C8orf34: variants seen among roughly 807,000 people sequenced by gnomAD.
The protein encoded by C8orf34 is chromosome 8 open reading frame 34, also known as uncharacterized protein C8orf34.
Under a neutral mutation model 68.3 loss-of-function variants are expected in C8orf34, and 65 were observed. That is an observed-to-expected ratio of 0.95 (90% CI 0.78 to 1.17). The LOEUF (loss-of-function observed/expected upper bound fraction) is 1.17. C8orf34 is among the 50% of genes most tolerant of loss of function. The probability of loss-of-function intolerance (pLI) is 0.00; values close to 1 mark genes in which losing one functional copy is unlikely to be tolerated. For missense variants in C8orf34, 664 were observed against 655.4 expected (o/e 1.01, Z -0.14); for synonymous variants, 244 against 241.2 (o/e 1.01, Z -0.11).
At chr8:68,732,090 A>G (rs549169384) in intron 10 of C8orf34, among the ~76,000 whole-genome samples, 30 of 152,346 alleles carry the variant, frequency 2.0e-4, no homozygotes, top group Non-Finnish European at 3.1e-4. Context: ...TTGAGGCTTG[A>G]GAGTAATGCT....
chr8:68,806,747 T>C (rs1824499848), intron 12 of C8orf34, among the ~76,000 whole-genome samples: 1 of 152,228 alleles, frequency 6.6e-6, no homozygotes, highest in Non-Finnish European at 1.5e-5. Context: ...TGCCTTGTTC[T>C]CTTTTGAGTC....
intron 1 of C8orf34, among the ~76,000 whole-genome samples, chr8:68,396,895 T>C (rs1042619976): frequency 1.3e-5 from 2 of 152,002 alleles, no homozygotes; most frequent in African/African-American, 4.8e-5. Flanking sequence ...CCTGCAGAAC[T>C]GTGAGCCAAC....
At chr8:68,644,788 T>C (rs957628757) in intron 8 of C8orf34, among the ~76,000 whole-genome samples, 14 of 152,042 alleles carry the variant, frequency 9.2e-5, no homozygotes, top group Admixed American at 2.0e-4. Context: ...CCAGACAGAG[T>C]GAGCCAGTCA....
chr8:68,751,277 G>A (rs1426734078), intron 10 of C8orf34, among the ~76,000 whole-genome samples: 5 of 152,040 alleles, frequency 3.3e-5, no homozygotes, highest in Non-Finnish European at 7.4e-5. Flanking sequence ...CAAATATTTT[G>A]GCTTACTGCC....
At chr8:68,501,893 A>G (rs1276153118) in intron 5 of C8orf34, among the ~76,000 whole-genome samples, 1 of 152,220 alleles carries the variant, frequency 6.6e-6, no homozygotes, top group Non-Finnish European at 1.5e-5. Context: ...CAAAGGGTAG[A>G]AGGGAAAGAT....
chr8:68,458,802 G>C (rs555597472), intron 3 of C8orf34, among the ~76,000 whole-genome samples: 1 of 152,232 alleles, frequency 6.6e-6, no homozygotes, highest in African/African-American at 2.4e-5. Flanking sequence ...TGGCATGTTA[G>C]TAATTTTAGC....
chr8:68,475,810 CT>C (rs1278391765), intron 4 of C8orf34, among the ~76,000 whole-genome samples: 1 of 152,226 alleles, frequency 6.6e-6, no homozygotes, highest in Admixed American at 6.5e-5. Context: ...TTTGCTGCTT[CT>C]GACAGCTCCC....
At chr8:68,719,038 T>C (rs1821556587) in intron 9 of C8orf34, among the ~76,000 whole-genome samples, 1 of 152,104 alleles carries the variant, frequency 6.6e-6, no homozygotes, top group Admixed American at 6.6e-5. Context: ...TGCTCTGGAA[T>C]AGACAGAGCA....
chr8:68,755,537 C>G (rs1018705970), intron 10 of C8orf34, among the ~76,000 whole-genome samples: 10 of 152,116 alleles, frequency 6.6e-5, no homozygotes, highest in African/African-American at 2.4e-4. Flanking sequence ...AAACTGCTGC[C>G]GGGAGGCTCA....
intron 1 of C8orf34, among the ~76,000 whole-genome samples, chr8:68,378,424 G>A (rs1807896478): frequency 1.3e-5 from 2 of 152,098 alleles, no homozygotes; most frequent in South Asian, 4.1e-4. Context: ...AACCTTCCAA[G>A]TAGCTGGAAC....
chr8:68,664,229 G>T (rs1459918957), intron 8 of C8orf34, among the ~76,000 whole-genome samples: 1 of 152,084 alleles, frequency 6.6e-6, no homozygotes, highest in Non-Finnish European at 1.5e-5. Context: ...TCTCCTCAGG[G>T]GTTAGTTTTG....
At chr8:68,624,180 G>C (rs1454817095) in intron 7 of C8orf34, among the ~76,000 whole-genome samples, 1 of 151,372 alleles carries the variant, frequency 6.6e-6, no homozygotes, top group East Asian at 2.0e-4. Context: ...GCTGAGGTAG[G>C]AGAATCACTT....
At chr8:68,755,828 G>A (rs964965930) in intron 10 of C8orf34, among the ~76,000 whole-genome samples, 3 of 151,934 alleles carry the variant, frequency 2.0e-5, no homozygotes, top group African/African-American at 4.8e-5. Context: ...TTGGGAGGCC[G>A]AAGCAGGTGG....
At chr8:68,357,549 A>G (rs142297653) in intron 1 of C8orf34, among the ~76,000 whole-genome samples, 204 of 152,322 alleles carry the variant, frequency 1.3e-3, no homozygotes, top group African/African-American at 4.7e-3. Context: ...GGAAGAATTT[A>G]TGAGGTTCAT....
At chr8:68,629,265 T>C (rs1022408052) in intron 7 of C8orf34, among the ~76,000 whole-genome samples, 2 of 152,132 alleles carry the variant, frequency 1.3e-5, no homozygotes, top group Admixed American at 6.6e-5. Context: ...CATATGTATA[T>C]CTTGAAGATA....
At chr8:68,381,131 A>G (rs1002030068) in intron 1 of C8orf34, among the ~76,000 whole-genome samples, 2 of 152,218 alleles carry the variant, frequency 1.3e-5, no homozygotes, top group African/African-American at 4.8e-5. Context: ...TTTTTCATGA[A>G]TATTTTAAGA....
chr8:68,459,352 C>G (rs1811687680), intron 3 of C8orf34, among the ~76,000 whole-genome samples: 1 of 152,120 alleles, frequency 6.6e-6, no homozygotes, highest in African/African-American at 2.4e-5. Context: ...GCCTCAGCCT[C>G]CCGAGTAGCT....
intron 2 of C8orf34, among the ~76,000 whole-genome samples, chr8:68,445,301 A>C (rs1811076096): frequency 6.6e-6 from 1 of 152,184 alleles, no homozygotes; most frequent in Non-Finnish European, 1.5e-5. Context: ...CCATAAAGCT[A>C]GGGTGGTTTT....
intron 8 of C8orf34, among the ~76,000 whole-genome samples, chr8:68,703,797 A>G (rs1490466317): frequency 6.6e-6 from 1 of 151,582 alleles, no homozygotes; most frequent in African/African-American, 2.4e-5. Context: ...CATGTTTTAT[A>G]CTCATGTCCC....
Sources: allele counts gnomAD v4.1 joint callset (sites outside exome capture counted in the v4.1 genomes callset), GRCh38; gene constraint gnomAD v4.1.1; transcripts MANE v1.5; gene names NCBI Gene and HGNC (gene_info 2026-07-23, HGNC 2026-07-21).